Variants in TMC1 observed in about 807,000 individuals in gnomAD.
TMC1 encodes the protein transmembrane channel-like protein 1.
Under a neutral mutation model 105.8 loss-of-function variants are expected in TMC1, and 84 were observed. That is an observed-to-expected ratio of 0.79 (90% CI 0.67 to 0.95). TMC1 has a LOEUF of 0.95. Among genes scored for constraint, TMC1 ranks in the 40% least tolerant of loss-of-function variants. The probability of loss-of-function intolerance (pLI) is 0.00; values close to 1 mark genes in which losing one functional copy is unlikely to be tolerated. For missense variants in TMC1, 817 were observed against 914.1 expected (o/e 0.89, Z 1.37); for synonymous variants, 315 against 311.5 (o/e 1.01, Z -0.12).
At chr9:72,664,584 AAG>A (rs1306915783) in intron 5 of TMC1, among the ~76,000 whole-genome samples, 3 of 152,132 alleles carry the variant, frequency 2.0e-5, no homozygotes, top group Admixed American at 6.5e-5. Flanking sequence ...GCTGCAGAGA[AAG>A]AGAGAAGAGA....
chr9:72,750,711 T>G (rs1383951554), intron 10 of TMC1, among the ~76,000 whole-genome samples: 1 of 152,210 alleles, frequency 6.6e-6, no homozygotes, highest in East Asian at 1.9e-4. Flanking sequence ...GCCCTAATGC[T>G]TAACACCTGT....
intron 17 of TMC1, among the ~76,000 whole-genome samples, chr9:72,794,865 G>A (rs1588087035): frequency 6.6e-6 from 1 of 152,176 alleles, no homozygotes; most frequent in African/African-American, 2.4e-5. Flanking sequence ...CCCAATCCAA[G>A]GAAAATAAGA....
At chr9:72,808,317 G>A (rs1828637344) in intron 18 of TMC1, among the ~76,000 whole-genome samples, 1 of 152,208 alleles carries the variant, frequency 6.6e-6, no homozygotes, top group Non-Finnish European at 1.5e-5. Context: ...TCTCCCGCAA[G>A]GGGTGCTGTT....
intron 8 of TMC1, among the ~76,000 whole-genome samples, chr9:72,712,550 A>G (rs1240114927): frequency 1.3e-5 from 2 of 152,184 alleles, no homozygotes; most frequent in Non-Finnish European, 2.9e-5. Context: ...GAGTTCACTC[A>G]TGATTTGGCT....
chr9:72,562,762 G>T (rs978346907), intron 1 of TMC1, among the ~76,000 whole-genome samples: 3 of 152,098 alleles, frequency 2.0e-5, no homozygotes, highest in Non-Finnish European at 4.4e-5. Context: ...TATAATAACA[G>T]TTAATTAGCT....
rs544636803 is a variant in TMC1 at position 72,527,444 on chromosome 9, A to C, written c.-428+5531A>C. On this transcript the variant is annotated intron_variant, in intron 1 of 23. Coordinates refer to ENST00000297784, the MANE Select transcript of TMC1 (RefSeq NM_138691.3). The stretch of plus-strand genomic sequence containing the variant: ...TCCAGGAATCTGCCTGTGTAATCAC[A>C]GGTTGATATTCTGGTGTTTCCTGGT... 3.9e-5 allele frequency among the ~76,000 whole-genome samples: 6 copies of C among 152,218 alleles called. No homozygotes were observed. In the East Asian group the frequency reaches 1.2e-3, roughly 29 times the overall value.
At chr9:72,784,206 T>TA (rs1828134607) in intron 13 of TMC1, among the ~76,000 whole-genome samples, 1 of 151,888 alleles carries the variant, frequency 6.6e-6, no homozygotes, top group South Asian at 2.1e-4. Flanking sequence ...ATAAGGAACT[T>TA]AAACTAACCA....
chr9:72,652,966 C>T (rs1239394907), intron 5 of TMC1, among the ~76,000 whole-genome samples: 1 of 152,052 alleles, frequency 6.6e-6, no homozygotes, highest in Non-Finnish European at 1.5e-5. Flanking sequence ...TGTACAAATT[C>T]TTCAAAATTC....
At chr9:72,816,249 G>A (rs774906752) in intron 19 of TMC1, 39 bp downstream of exon 19, 1 of 1,588,134 alleles carries the variant, frequency 6.3e-7, no homozygotes, top group South Asian at 1.1e-5. Flanking sequence ...TTACAGAAAA[G>A]CCTCCCAGGT....
rs73647813 is a variant in TMC1, at chr9:72,744,849, T to C, written c.535+2324T>C. 2.2e-3 allele frequency among the ~76,000 whole-genome samples: 340 copies of C among 152,320 alleles called. 3 individuals are homozygous for C. The highest frequency in any genetic ancestry group is 7.9e-3 in the African/African-American group (328 of 41,572). On this transcript the variant is annotated intron_variant, in intron 10 of 23. Transcript: ENST00000297784. Reference sequence around the variant, plus strand: ...AGTGAAACAAAAACAGACAGAATTATTTTTATTGCCAGAAATTGCATGCAG... The same window carrying C: ...AGTGAAACAAAAACAGACAGAATTACTTTTATTGCCAGAAATTGCATGCAG...
At chr9:72,549,036 T>C (rs375146096) in intron 1 of TMC1, among the ~76,000 whole-genome samples, 2 of 152,276 alleles carry the variant, frequency 1.3e-5, no homozygotes, top group East Asian at 3.9e-4. Context: ...GTGGAATAAA[T>C]AAGTGAAGAA....
At chr9:72,577,404 C>T (rs1824401540) in intron 1 of TMC1, among the ~76,000 whole-genome samples, 1 of 152,226 alleles carries the variant, frequency 6.6e-6, no homozygotes, top group Admixed American at 6.5e-5. Context: ...GCCAAAAACT[C>T]TCAGGGCACT....
At chr9:72,743,923 T>C (rs1827442393) in intron 10 of TMC1, among the ~76,000 whole-genome samples, 1 of 152,246 alleles carries the variant, frequency 6.6e-6, no homozygotes, top group Non-Finnish European at 1.5e-5. Flanking sequence ...TCTAACGGTT[T>C]CAACTAGGAT....
At position 72,796,766 on chromosome 9, in the gene TMC1, A is replaced by G. The variant is rs182960387; in HGVS notation, c.1566+4414A>G. Among the ~76,000 whole-genome samples the G allele has an allele frequency of 2.0e-4, 30 of 152,308 alleles. No homozygotes were observed. In the East Asian group the frequency reaches 3.9e-3, roughly 20 times the overall value. The stretch of plus-strand genomic sequence containing the variant: ...CTATGACAAACCCACAGCCAAAATC[A>G]TAATGAACGGACAAAAGCTGAAAGC... On this transcript the variant is annotated intron_variant, in intron 17 of 23. Coordinates refer to ENST00000297784, the MANE Select transcript of TMC1 (RefSeq NM_138691.3).
chr9:72,834,880 T>G (rs1829096816), intron 23 of TMC1, among the ~76,000 whole-genome samples: 1 of 152,168 alleles, frequency 6.6e-6, no homozygotes, highest in Non-Finnish European at 1.5e-5. Flanking sequence ...TGACTGCTTC[T>G]TAACAGCTAA....
chr9:72,804,926 T>C (rs1319378533), intron 17 of TMC1, among the ~76,000 whole-genome samples: 3 of 152,262 alleles, frequency 2.0e-5, no homozygotes, highest in Admixed American at 6.5e-5. Context: ...TTTGTGACTT[T>C]TGCTGGTTTC....
At chr9:72,602,314 A>G (rs1203274047) in intron 2 of TMC1, among the ~76,000 whole-genome samples, 1 of 151,554 alleles carries the variant, frequency 6.6e-6, no homozygotes, top group Non-Finnish European at 1.5e-5. Flanking sequence ...GTGAGCAAGA[A>G]TTGAACCCAG....
In TMC1 at chr9:72,577,890, A is replaced by C. The variant is rs1377248105; in HGVS notation, c.-427-12A>C. On this transcript the variant is annotated splice_polypyrimidine_tract_variant and intron_variant, in intron 1 of 23. Coordinates refer to ENST00000297784, the MANE Select transcript of TMC1 (RefSeq NM_138691.3). ...ATTCTTTATTTATATTTATTTATTTATTTATTTTCAGATGGGATCTTACTC... is the reference window on the plus strand; with the variant it reads ...ATTCTTTATTTATATTTATTTATTTCTTTATTTTCAGATGGGATCTTACTC... 6.6e-6 allele frequency: 1 copy of C among 151,838 alleles called. No homozygotes were observed. Among genetic ancestry groups the C allele is most frequent in the Non-Finnish European group, 1.5e-5 (1 of 67,954 alleles). 9.4% of individuals were successfully genotyped at this position (151,838 alleles called of 1,614,324 possible).
Position 72,765,898 on chromosome 9 carries a change from G to T in TMC1, c.742-6515G>T, listed in dbSNP as rs984177697. On this transcript the variant is annotated intron_variant, in intron 12 of 23. Transcript: ENST00000297784. ...GTGGGCCATGGCACAAAAGGCAAAT[G>T]GAAGTACTTTCTATAGAAGCCAGAA... 2.0e-5 allele frequency among the ~76,000 whole-genome samples: 3 copies of T among 152,128 alleles called. No homozygotes were observed. The East Asian group carries it at 5.8e-4, about 29-fold the overall frequency.
Sources: gnomAD v4.1 joint callset for allele counts (sites outside exome capture counted in the v4.1 genomes callset) on GRCh38, gnomAD v4.1.1 for gene constraint, MANE v1.5 for transcripts, NCBI Gene and HGNC (gene_info 2026-07-23, HGNC 2026-07-21) for gene names.